Variants in EXOC3L2 observed in about 807,000 individuals in gnomAD.
EXOC3L2 encodes exocyst complex component 3 like 2, also known as exocyst complex component 3-like protein 2.
Under a neutral mutation model 44.4 loss-of-function variants are expected in EXOC3L2, and 17 were observed. That is an observed-to-expected ratio of 0.38 (90% CI 0.26 to 0.57). The LOEUF is 0.57. Among genes scored for constraint, EXOC3L2 ranks in the 20% least tolerant of loss-of-function variants. The probability of loss-of-function intolerance (pLI) is 0.65; values close to 1 mark genes in which losing one functional copy is unlikely to be tolerated. For synonymous variants in EXOC3L2, 256 were observed against 253.7 expected (o/e 1.01, Z -0.09); for missense variants, 541 against 588.4 (o/e 0.92, Z 0.83).
At chr19:45,232,654 C>T (rs1253791038) in intron 3 of EXOC3L2, among the ~76,000 whole-genome samples, 3 of 152,078 alleles carry the variant, frequency 2.0e-5, no homozygotes, top group Non-Finnish European at 2.9e-5. Context: ...GTCCATCCCC[C>T]GGCCACAAGA....
intron 8 of EXOC3L2, among the ~76,000 whole-genome samples, chr19:45,220,615 C>T (rs1034089374): frequency 1.1e-4 from 17 of 151,960 alleles, no homozygotes; most frequent in Admixed American, 7.2e-4. Flanking sequence ...GGAAGCTGTG[C>T]GACCCTGAAG....
intron 1 of EXOC3L2, among the ~76,000 whole-genome samples, chr19:45,240,294 T>A (rs395893): frequency 0.21 from 31,635 of 150,588 alleles, 3,824 homozygotes; most frequent in Non-Finnish European, 0.28. Flanking sequence ...TTTATTTATT[T>A]ATTTATTGAG....
intron 1 of EXOC3L2, among the ~76,000 whole-genome samples, chr19:45,240,302 GA>G (rs1970121063): frequency 6.7e-6 from 1 of 150,040 alleles, no homozygotes; most frequent in Admixed American, 6.6e-5. Context: ...TTTATTTATT[GA>G]GACAGGGTCT....
intron 4 of EXOC3L2, among the ~76,000 whole-genome samples, chr19:45,231,512 C>T (rs1014990883): frequency 1.3e-5 from 2 of 151,208 alleles, no homozygotes; most frequent in African/African-American, 4.9e-5. Context: ...AGTCTTTGGG[C>T]CTGTGAGCTG....
At chr19:45,243,503 G>A (rs566298343) in intron 1 of EXOC3L2, among the ~76,000 whole-genome samples, 24 of 152,174 alleles carry the variant, frequency 1.6e-4, no homozygotes, top group African/African-American at 3.1e-4. Flanking sequence ...ACCTCCTTCC[G>A]GTCTCCATGG....
rs1568479784 is a variant in EXOC3L2, at chr19:45,218,332, G to C, written c.1720-13C>G. ...TGTTGAAGTGTGGCTGGCAGGGACAGAGTAGGGGGTCACGCTCTCCTCCCT... is the reference window on the plus strand; with the variant it reads ...TGTTGAAGTGTGGCTGGCAGGGACACAGTAGGGGGTCACGCTCTCCTCCCT... On this transcript the variant is annotated splice_polypyrimidine_tract_variant and intron_variant, in intron 8 of 11. Transcript: ENST00000413988. The C allele has an allele frequency of 1.9e-6, 3 of 1,587,696 alleles. No homozygotes were observed. Among genetic ancestry groups the C allele is most frequent in the Non-Finnish European group, 1.7e-6 (2 of 1,164,660 alleles).
chr19:45,224,336 C>T (rs939124340), intron 8 of EXOC3L2, among the ~76,000 whole-genome samples: 2 of 151,998 alleles, frequency 1.3e-5, no homozygotes, highest in Non-Finnish European at 2.9e-5. Context: ...GGGAGTGTTC[C>T]ACTGTATAAC....
In EXOC3L2 at chr19:45,218,275, C is replaced by T. The variant is rs139986634; in HGVS notation, c.1764G>A (p.Pro588=). Residue 588 remains proline (P), a synonymous_variant, in exon 9 of 12, where the codon CCG becomes CCA. Transcript: ENST00000413988. ...KLMRRKWLSS[P]EALDGIVGTL... ...TGCCCACGATGCCATCCAGGGCCTC[C>T]GGGCTGCTCAGCCACTTCCGGCGCA... 1.4e-5 allele frequency: 23 copies of T among 1,608,766 alleles called. No homozygotes were observed. Among genetic ancestry groups the T allele is most frequent in the African/African-American group, 6.7e-5 (5 of 74,930 alleles).
Position 45,212,940 on chromosome 19 carries a change from A to T in EXOC3L2, c.*129T>A. 1.8e-6 allele frequency: 2 copies of T among 1,113,420 alleles called. No individual in the cohort carries two copies. Among genetic ancestry groups the T allele is most frequent in the Non-Finnish European group, 2.4e-6 (2 of 835,282 alleles). The allele number at this position is 1,113,420 out of a possible 1,614,324, so 69.0% of individuals were successfully genotyped here. On this transcript the variant is annotated 3_prime_UTR_variant, in exon 12 of 12. Transcript: ENST00000413988. ...TACAGGGAGTTTGGGGTTGGGTGAA[A>T]AGACATCTAAGGGTCTTTCTATCCC...
intron 8 of EXOC3L2, among the ~76,000 whole-genome samples, chr19:45,222,222 C>T (rs1358075028): frequency 2.2e-5 from 3 of 134,934 alleles, no homozygotes; most frequent in Middle Eastern, 3.8e-3. Context: ...TTTTTTGAGA[C>T]GGAGTCTCAC....
chr19:45,231,457 C>CAA lies in EXOC3L2; in HGVS notation c.1269+304_1269+305dup, dbSNP rs34610401. On this transcript the variant is annotated intron_variant, in intron 4 of 11. Transcript: ENST00000413988. ...CTGGCAACAGAGCGAGACCCTGCCT[C>CAA]AAAAAAAAAAAAAAAAAAAAAATCT... is the stretch of plus-strand genomic sequence containing the variant. Among the ~76,000 whole-genome samples the CAA allele has an allele frequency of 1.0e-2, 604 of 60,468 alleles. 16 individuals are homozygous for CAA. Among genetic ancestry groups the CAA allele is most frequent in the Middle Eastern group, 0.029 (3 of 104 alleles). The allele number at this position is 60,468 out of a possible 152,430, so 39.7% of individuals were successfully genotyped here. A position where few individuals can be genotyped will look rare whatever the true frequency, so the allele number is the denominator to read the frequency against.
chr19:45,224,324 A>C (rs2122967920), intron 8 of EXOC3L2, among the ~76,000 whole-genome samples: 2 of 152,154 alleles, frequency 1.3e-5, no homozygotes, highest in South Asian at 4.2e-4. Context: ...AGCAGAGAGA[A>C]GGGGAGTGTT....
intron 9 of EXOC3L2, 86 bp from the exon 10 acceptor site, chr19:45,217,769 A>C (rs1969852628): frequency 1.5e-6 from 2 of 1,347,710 alleles, no homozygotes; most frequent in South Asian, 1.7e-5. Context: ...CCCCCGCCCC[A>C]CTCGCCCACA....
chr19:45,224,380 C>T (rs1969932070), intron 8 of EXOC3L2, among the ~76,000 whole-genome samples: 1 of 152,056 alleles, frequency 6.6e-6, no homozygotes, highest in Admixed American at 6.6e-5. Context: ...CAGGAACACA[C>T]TCCCCCTGCA....
intron 11 of EXOC3L2, 70 bp downstream of exon 11, chr19:45,216,003 G>T: frequency 1.3e-6 from 2 of 1,591,716 alleles, no homozygotes; most frequent in South Asian, 1.1e-5. Flanking sequence ...GAAGCACAGG[G>T]ACGGATGCCA....
intron 11 of EXOC3L2, 25 bp downstream of exon 11, chr19:45,216,027 ACCTCGGCCAGGCACGGCGAGC>A (rs1599759744): frequency 1.2e-6 from 2 of 1,605,640 alleles, no homozygotes; most frequent in Non-Finnish European, 1.7e-6. Context: ...CCGCCAGGAG[ACCTCGGCCAGGCACGGCGAGC>A]CCTGGCCCAG....
intron 4 of EXOC3L2, 48 bp downstream of exon 4, chr19:45,231,715 C>A (rs776353432): frequency 6.6e-7 from 1 of 1,518,730 alleles, no homozygotes; most frequent in Non-Finnish European, 9.1e-7. Context: ...ACTGTGACCC[C>A]CTCCCTCCAC....
intron 7 of EXOC3L2, among the ~76,000 whole-genome samples, chr19:45,226,770 T>TTTTTTTTTTTTTTA (rs1969966508): frequency 7.5e-6 from 1 of 133,374 alleles, no homozygotes. Context: ...TTTTTTTTTT[T>TTTTTTTTTTTTTTA]GAGACGGAGT....
intron 10 of EXOC3L2, 72 bp from the exon 11 acceptor site, chr19:45,216,266 T>C: frequency 6.4e-7 from 1 of 1,558,826 alleles, no homozygotes; most frequent in Non-Finnish European, 8.7e-7. Context: ...CCTCCTGGCT[T>C]GTTATACCAT....
Sources: allele counts gnomAD v4.1 joint callset (sites outside exome capture counted in the v4.1 genomes callset), GRCh38; gene constraint gnomAD v4.1.1; transcripts MANE v1.5; gene names NCBI Gene and HGNC (gene_info 2026-07-23, HGNC 2026-07-21).